Variants in ADCY2 observed in about 807,000 individuals in gnomAD.
ADCY2 encodes the protein adenylate cyclase 2, also known as adenylate cyclase type 2.
Under a neutral mutation model 125.2 loss-of-function variants are expected in ADCY2, and 31 were observed. That is an observed-to-expected ratio of 0.25 (90% CI 0.19 to 0.33). The LOEUF is 0.33. Ranked by LOEUF, ADCY2 falls within the 10% of genes least tolerant of loss-of-function variation. The pLI is 1.00. For synonymous variants in ADCY2, 512 were observed against 548.4 expected (o/e 0.93, Z 0.93); for missense variants, 904 against 1,418.2 (o/e 0.64, Z 5.82).
chr5:7,624,630 A>G (rs1369397833), intron 3 of ADCY2, among the ~76,000 whole-genome samples: 2 of 152,188 alleles, frequency 1.3e-5, no homozygotes, highest in African/African-American at 2.4e-5. Context: ...CCCACCGCAT[A>G]GAGAAGGAGG....
At chr5:7,410,863 ACAACT>A (rs751225021) in intron 1 of ADCY2, among the ~76,000 whole-genome samples, 9 of 152,034 alleles carry the variant, frequency 5.9e-5, no homozygotes, top group Non-Finnish European at 1.0e-4. Context: ...ATGTTTGAAA[ACAACT>A]CAATCAGAAG....
At position 7,462,056 on chromosome 5, in the gene ADCY2, C is replaced by T. The variant is rs530100630; in HGVS notation, c.408+47286C>T. On this transcript the variant is annotated intron_variant, in intron 2 of 24. Transcript: ENST00000338316. Reference sequence around the variant, plus strand: ...GAGGATGAACGCTTTTCCTGTCTGTCGGTTTATGGTGTCTGCACATTTTGA... The same window carrying T: ...GAGGATGAACGCTTTTCCTGTCTGTTGGTTTATGGTGTCTGCACATTTTGA... Among the ~76,000 whole-genome samples, 16 of 152,258 alleles carry T rather than the reference C, an allele frequency of 1.1e-4. No homozygotes were observed. In the South Asian group the frequency reaches 2.9e-3, roughly 28 times the overall value.
chr5:7,549,563 AC>A (rs1333692241), intron 3 of ADCY2, among the ~76,000 whole-genome samples: 1 of 152,226 alleles, frequency 6.6e-6, no homozygotes, highest in Non-Finnish European at 1.5e-5. Flanking sequence ...AGACACTTTC[AC>A]AAGCAAGTGC....
chr5:7,722,558 T>C (rs1004099588), intron 12 of ADCY2, among the ~76,000 whole-genome samples: 1 of 152,092 alleles, frequency 6.6e-6, no homozygotes, highest in African/African-American at 2.4e-5. Flanking sequence ...TCTAGTCCTA[T>C]GAAATAGAAT....
At position 7,518,380 on chromosome 5, in the gene ADCY2, C is replaced by T. The variant is rs186698047; in HGVS notation, c.409-2358C>T. Reference sequence around the variant, plus strand: ...CAAAGGCATGCCTGATATGTCTTCCCAGCCAAACTTTGCATTTTTATACAT... The same window carrying T: ...CAAAGGCATGCCTGATATGTCTTCCTAGCCAAACTTTGCATTTTTATACAT... On this transcript the variant is annotated intron_variant, in intron 2 of 24. Coordinates refer to ENST00000338316, the MANE Select transcript of ADCY2 (RefSeq NM_020546.3). 2.0e-5 allele frequency among the ~76,000 whole-genome samples: 3 copies of T among 152,286 alleles called. No individual in the cohort carries two copies. In the East Asian group the frequency reaches 5.8e-4, roughly 29 times the overall value.
At chr5:7,729,329 T>C (rs1276501607) in intron 14 of ADCY2, among the ~76,000 whole-genome samples, 1 of 152,196 alleles carries the variant, frequency 6.6e-6, no homozygotes, top group Non-Finnish European at 1.5e-5. Flanking sequence ...CTCTTTACTG[T>C]AGATACAATT....
chr5:7,462,124 A>G (rs921963956), intron 2 of ADCY2, among the ~76,000 whole-genome samples: 3 of 152,210 alleles, frequency 2.0e-5, no homozygotes, highest in African/African-American at 7.2e-5. Context: ...TAAATAGAGC[A>G]AGTGGAATTG....
intron 15 of ADCY2, among the ~76,000 whole-genome samples, chr5:7,753,280 A>T (rs2126450895): frequency 6.6e-6 from 1 of 152,240 alleles, no homozygotes; most frequent in Non-Finnish European, 1.5e-5. Flanking sequence ...GATGAATGTG[A>T]TATTCACATC....
intron 2 of ADCY2, among the ~76,000 whole-genome samples, chr5:7,459,772 A>AT (rs3033085): frequency 0.1 from 7,264 of 72,752 alleles, 1,280 homozygotes; most frequent in Non-Finnish European, 0.13. Flanking sequence ...TTAAGAGGTA[A>AT]TTTTTTTTTT....
chr5:7,511,225 A>C, intron 2 of ADCY2, among the ~76,000 whole-genome samples: 1 of 152,188 alleles, frequency 6.6e-6, no homozygotes, highest in East Asian at 1.9e-4. Context: ...AAAATTTTCA[A>C]AAATATAAAA....
intron 4 of ADCY2, among the ~76,000 whole-genome samples, chr5:7,654,388 C>T (rs62343012): frequency 6.6e-6 from 1 of 152,020 alleles, no homozygotes; most frequent in Non-Finnish European, 1.5e-5. Flanking sequence ...GAGCAGCATG[C>T]CTGTACGCTA....
At chr5:7,723,729 T>C (rs1422707536) in intron 12 of ADCY2, among the ~76,000 whole-genome samples, 1 of 151,978 alleles carries the variant, frequency 6.6e-6, no homozygotes, top group Non-Finnish European at 1.5e-5. Context: ...ACGACCAGCC[T>C]GGCCAACGTG....
At chr5:7,511,132 A>G (rs975635869) in intron 2 of ADCY2, among the ~76,000 whole-genome samples, 3 of 152,202 alleles carry the variant, frequency 2.0e-5, no homozygotes, top group Non-Finnish European at 2.9e-5. Context: ...GGTGCTGGGT[A>G]GAATTCACAA....
chr5:7,741,841 ATCG>A (rs755075685), intron 14 of ADCY2, among the ~76,000 whole-genome samples: 5 of 151,296 alleles, frequency 3.3e-5, no homozygotes, highest in African/African-American at 9.7e-5. Flanking sequence ...CATCCTCATC[ATCG>A]TCATCACCAT....
rs568450987 is a variant in ADCY2 at position 7,478,326 on chromosome 5, C to G, written c.409-42412C>G. 1.9e-3 allele frequency among the ~76,000 whole-genome samples: 292 copies of G among 152,266 alleles called. 2 individuals carry two copies. The highest frequency in any genetic ancestry group is 6.7e-3 in the African/African-American group (280 of 41,562). Reference sequence around the variant, plus strand: ...GTAAACTAATGTGGCCATTAACTAGCATATGCAATTGAAGCAGCATATGAG... The same window carrying G: ...GTAAACTAATGTGGCCATTAACTAGGATATGCAATTGAAGCAGCATATGAG... On this transcript the variant is annotated intron_variant, in intron 2 of 24. Transcript: ENST00000338316.
chr5:7,746,366 CAAG>C (rs766691853), intron 15 of ADCY2: 20 of 152,318 alleles, frequency 1.3e-4, no homozygotes, highest in Non-Finnish European at 2.8e-4. Flanking sequence ...TGAAAAAAAT[CAAG>C]AAGGAATTCT....
intron 12 of ADCY2, among the ~76,000 whole-genome samples, chr5:7,720,143 C>T (rs1294739773): frequency 2.0e-5 from 3 of 152,112 alleles, no homozygotes; most frequent in African/African-American, 7.2e-5. Context: ...CTAAATCAAG[C>T]ACACACACAT....
At chr5:7,454,219 A>C (rs2126425594) in intron 2 of ADCY2, among the ~76,000 whole-genome samples, 1 of 152,246 alleles carries the variant, frequency 6.6e-6, no homozygotes, top group Admixed American at 6.5e-5. Context: ...AAAGTTTATG[A>C]CTTGCTCAAG....
chr5:7,431,108 G>A (rs1468542626), intron 2 of ADCY2, among the ~76,000 whole-genome samples: 1 of 152,072 alleles, frequency 6.6e-6, no homozygotes, highest in African/African-American at 2.4e-5. Flanking sequence ...TGAAAAAGCA[G>A]GACATGGAGA....
Sources: gnomAD v4.1 joint callset for allele counts (sites outside exome capture counted in the v4.1 genomes callset) on GRCh38, gnomAD v4.1.1 for gene constraint, MANE v1.5 for transcripts, NCBI Gene and HGNC (gene_info 2026-07-23, HGNC 2026-07-21) for gene names.